ECT2: variants seen among roughly 807,000 people sequenced by gnomAD.
The protein encoded by ECT2 is protein ECT2.
A neutral mutation model predicts 116.9 loss-of-function variants in ECT2; 61 were observed. That is an observed-to-expected ratio of 0.52 (90% CI 0.42 to 0.65). The LOEUF (loss-of-function observed/expected upper bound fraction) is 0.65, where lower values mean the gene tolerates loss of function less well. Among genes scored for constraint, ECT2 ranks in the 30% least tolerant of loss-of-function variants. The pLI is 0.00. For synonymous variants in ECT2, 358 were observed against 346.4 expected, an observed-to-expected ratio of 1.03 and a Z score of -0.37; for missense variants, 937 against 1,078.7, an observed-to-expected ratio of 0.87 and a Z score of 1.84.
At chr3:172,821,979 GC>G (rs1730718480), downstream of ECT2, among the ~76,000 whole-genome samples, 1 of 151,818 alleles carries the variant, frequency 6.6e-6, no homozygotes, top group Non-Finnish European at 1.5e-5. Flanking sequence ...AAGACAGTTT[GC>G]ATGTATCATG....
At chr3:172,767,608 A>G (rs888949581) in intron 12 of ECT2, among the ~76,000 whole-genome samples, 4 of 152,100 alleles carry the variant, frequency 2.6e-5, no homozygotes, top group African/African-American at 9.7e-5. Context: ...AAAACTTGCT[A>G]TTAGGTGCTT....
chr3:172,794,638 A>C (rs1194082462), intron 18 of ECT2, among the ~76,000 whole-genome samples: 1 of 152,104 alleles, frequency 6.6e-6, no homozygotes, highest in African/African-American at 2.4e-5. Context: ...CAACAACAAC[A>C]ACAACAAAAC....
At chr3:172,807,377 CTATA>C (rs1377028272) in intron 21 of ECT2, among the ~76,000 whole-genome samples, 1 of 152,162 alleles carries the variant, frequency 6.6e-6, no homozygotes, top group Admixed American at 6.5e-5. Flanking sequence ...GGAAGGCTGA[CTATA>C]TATTTGTTTT....
At position 172,754,636 on chromosome 3, in the gene ECT2, A is replaced by T; in HGVS notation, c.106A>T (p.Ile36Phe). The part of the protein sequence containing the change: ...VTEISKENLL[I>F]GSTSYVEEEM... ...TGAGATTTCCAAGGAAAACTTACTT[A>T]TTGGATCTACTTCATATGTAGAAGG... The change falls in exon 2 of 25, where the codon ATT (isoleucine) becomes TTT (phenylalanine). Residue 36 changes from isoleucine to phenylalanine, a missense_variant. By Grantham distance (21) the Ile-to-Phe change is conservative. Transcript: ENST00000392692. The T allele has an allele frequency of 6.2e-7, 1 of 1,610,892 alleles. No individual in the cohort carries two copies. The highest frequency in any genetic ancestry group is 1.3e-5 in the African/African-American group (1 of 74,910).
intron 11 of ECT2, 80 bp from the exon 12 acceptor site, chr3:172,764,198 T>C: frequency 8.0e-7 from 1 of 1,254,252 alleles, no homozygotes; most frequent in South Asian, 1.3e-5. Flanking sequence ...TCTGTCAGAC[T>C]TGTAAATATA....
At chr3:172,793,442 C>A (rs139679659) in intron 18 of ECT2, among the ~76,000 whole-genome samples, 5 of 151,790 alleles carry the variant, frequency 3.3e-5, no homozygotes, top group Non-Finnish European at 7.4e-5. Context: ...CGTGAGCCCC[C>A]GCGCCCAGCC....
chr3:172,760,601 A>G (rs1368801180), intron 7 of ECT2, among the ~76,000 whole-genome samples: 1 of 150,524 alleles, frequency 6.6e-6, no homozygotes, highest in Non-Finnish European at 1.5e-5. Context: ...AGTTTTAAGT[A>G]GGCAATGGAA....
chr3:172,792,147 A>G (rs1380506855), intron 18 of ECT2, among the ~76,000 whole-genome samples: 1 of 152,260 alleles, frequency 6.6e-6, no homozygotes, highest in Non-Finnish European at 1.5e-5. Context: ...AACAATTACA[A>G]TAGTAACATC....
At chr3:172,800,121 C>T (rs1361696378) in intron 18 of ECT2, among the ~76,000 whole-genome samples, 1 of 152,116 alleles carries the variant, frequency 6.6e-6, no homozygotes, top group Non-Finnish European at 1.5e-5. Flanking sequence ...AGATCTTGAT[C>T]AAAGGGGGGA....
intron 18 of ECT2, among the ~76,000 whole-genome samples, chr3:172,799,173 C>G (rs1576996032): frequency 6.6e-6 from 1 of 152,080 alleles, no homozygotes; most frequent in East Asian, 1.9e-4. Flanking sequence ...CTAAATTCTT[C>G]CAGATTTCTC....
chr3:172,756,635 A>G (rs76067745), intron 4 of ECT2, among the ~76,000 whole-genome samples: 307 of 152,282 alleles, frequency 2.0e-3, no homozygotes, highest in African/African-American at 7.2e-3. Flanking sequence ...TTGATATCAA[A>G]ATGCATGTAC....
At chr3:172,802,840 T>C in intron 19 of ECT2, 21 bp from the exon 20 acceptor site, 2 of 1,595,698 alleles carry the variant, frequency 1.3e-6, no homozygotes, top group Non-Finnish European at 1.7e-6. Flanking sequence ...ATCTCTTTTG[T>C]TATATTTTCA....
At chr3:172,783,295 C>T (rs1723039634) in intron 15 of ECT2, among the ~76,000 whole-genome samples, 1 of 151,978 alleles carries the variant, frequency 6.6e-6, no homozygotes, top group South Asian at 2.1e-4. Context: ...GGTGTTTTTT[C>T]AGTTTGGTTG....
intron 18 of ECT2, among the ~76,000 whole-genome samples, chr3:172,794,728 A>G (rs1379611739): frequency 6.6e-6 from 1 of 152,010 alleles, no homozygotes; most frequent in Non-Finnish European, 1.5e-5. Flanking sequence ...TATTATTATT[A>G]TTTTTTGAAA....
Position 172,820,641 on chromosome 3 carries a change from T to C in ECT2, c.*404T>C, listed in dbSNP as rs1455111438. On this transcript the variant is annotated 3_prime_UTR_variant, in exon 25 of 25. Coordinates refer to ENST00000392692, the MANE Select transcript of ECT2 (RefSeq NM_001258315.2). The stretch of plus-strand genomic sequence containing the variant: ...GAAATAGATATTTGTGCAGCTCAAT[T>C]TATGCAGAGATTAAATGACATCATA... The C allele has an allele frequency of 6.5e-6, 1 of 153,330 alleles. No homozygotes were observed. Among genetic ancestry groups the C allele is most frequent in the African/African-American group, 2.4e-5 (1 of 41,480 alleles). 9.5% of individuals were successfully genotyped at this position (153,330 alleles called of 1,614,324 possible). A position where few individuals can be genotyped will look rare whatever the true frequency, so the allele number is the denominator to read the frequency against.
At chr3:172,756,893 T>A in intron 4 of ECT2, 90 bp from the exon 5 acceptor site, 3 of 1,086,348 alleles carry the variant, frequency 2.8e-6, no homozygotes, top group South Asian at 3.2e-5. Context: ...AAAGTTGATA[T>A]TGAATTGATT....
At position 172,759,036 on chromosome 3, in the gene ECT2, A is replaced by G. The variant is rs145873713; in HGVS notation, c.543A>G (p.Leu181=). 4.5e-5 allele frequency: 72 copies of G among 1,608,866 alleles called. No homozygotes were observed. In the East Asian group the frequency reaches 5.6e-4, roughly 13 times the overall value. Residue 181 remains leucine (L), a synonymous_variant, in exon 6 of 25, where the codon CTA becomes CTG. Transcript: ENST00000392692. ...LYCTSMMNLV[L]CFTGFRKKEE... ...GTACAAGTATGATGAATCTAGTACT[A>G]TGCTTTACTGGATTTAGGAAAAAAG...
chr3:172,774,918 G>GT (rs1721377039), intron 14 of ECT2, among the ~76,000 whole-genome samples: 1 of 152,074 alleles, frequency 6.6e-6, no homozygotes, highest in Admixed American at 6.6e-5. Context: ...TGTTCCTATT[G>GT]TTTTTGCTCT....
At chr3:172,753,510 C>T (rs2108338825) in intron 1 of ECT2, among the ~76,000 whole-genome samples, 1 of 152,306 alleles carries the variant, frequency 6.6e-6, no homozygotes, top group Non-Finnish European at 1.5e-5. Context: ...TTGGCACTCA[C>T]CCATGCATAA....
Sources: gnomAD v4.1 joint callset for allele counts (sites outside exome capture counted in the v4.1 genomes callset) on GRCh38, gnomAD v4.1.1 for gene constraint, MANE v1.5 for transcripts, NCBI Gene and HGNC (gene_info 2026-07-23, HGNC 2026-07-21) for gene names.